Variants in EBF3 observed in about 807,000 individuals in gnomAD.
EBF3 encodes EBF transcription factor 3.
Under a neutral mutation model 77.1 loss-of-function variants are expected in EBF3, and 18 were observed. The observed-to-expected ratio is 0.23, with a 90% CI of 0.16 to 0.35. The LOEUF (loss-of-function observed/expected upper bound fraction) is 0.35, where lower values mean the gene tolerates loss of function less well. Among genes scored for constraint, EBF3 ranks in the 10% least tolerant of loss-of-function variants. EBF3 has a pLI of 1.00. For synonymous variants in EBF3, 350 were observed against 343.5 expected (o/e 1.02, Z -0.21); for missense variants, 558 against 860.0 (o/e 0.65, Z 4.39).
chr10:129,835,255 A>G lies in EBF3; in HGVS notation c.*2688T>C, dbSNP rs926024905. 6.6e-5 allele frequency: 10 copies of G among 152,658 alleles called. No individual in the cohort carries two copies. The highest frequency in any genetic ancestry group is 1.9e-4 in the African/African-American group (8 of 41,448). 9.5% of individuals were successfully genotyped at this position (152,658 alleles called of 1,614,324 possible). ...ATGTTAGTGTTTAGTCATTTTAATA[A>G]TCAAAAACAGAGAAAATTACCAAAA... On this transcript the variant is annotated 3_prime_UTR_variant, in exon 17 of 17. Transcript: ENST00000440978.
Position 129,839,173 on chromosome 10 carries a change from G to A in EBF3, c.1782C>T (p.Asp594=), listed in dbSNP as rs992085446. The change falls in exon 16 of 17, where the codon GAC becomes GAT. Residue 594 remains aspartate, a synonymous_variant. Coordinates refer to ENST00000440978, the MANE Select transcript of EBF3 (RefSeq NM_001375380.1). ...GCCAGTTTGTCTTCTCCGCGGCTAC[G>A]TCCTCAGCACCCAGCAGAGAGCCTG... is the stretch of plus-strand genomic sequence containing the variant. ...GLQGSLLGAE[D]VAAEKTNWPF... is the part of the protein sequence containing the mutation. 17 of 1,299,874 alleles carry A rather than the reference G, an allele frequency of 1.3e-5. No individual in the cohort carries two copies. The highest frequency in any genetic ancestry group is 5.5e-5 in the East Asian group (1 of 18,034). 80.5% of individuals were successfully genotyped at this position (1,299,874 alleles called of 1,614,324 possible).
chr10:129,840,523 A>G, intron 14 of EBF3, 81 bp from the exon 15 acceptor site: 1 of 1,458,524 alleles, frequency 6.9e-7, no homozygotes, highest in Non-Finnish European at 9.3e-7. Flanking sequence ...CTCGCCTCGG[A>G]CGGGGGGGCA....
rs777448869 is a variant in EBF3, at chr10:129,841,688, G to A, written c.1372+428C>T. ...CACTGTGGGATGGGGTGCGGGGTGG[G>A]GAAATGGGGGTCTGTCTCCATGGAT... On this transcript the variant is annotated intron_variant, in intron 13 of 16. Transcript: ENST00000440978. This position sits in a 1 kb window ranked among gnomAD's most constrained non-coding sequence, Gnocchi z 4.6. 6.6e-6 allele frequency among the ~76,000 whole-genome samples: 1 copy of A among 152,094 alleles called. No homozygotes were observed. Among genetic ancestry groups the A allele is most frequent in the Non-Finnish European group, 1.5e-5 (1 of 68,026 alleles).
intron 6 of EBF3, among the ~76,000 whole-genome samples, chr10:129,922,711 G>A (rs1011072855): frequency 2.0e-5 from 3 of 152,248 alleles, no homozygotes; most frequent in East Asian, 1.9e-4. Flanking sequence ...GAACCCCTGC[G>A]TCACGGACTG....
intron 6 of EBF3, among the ~76,000 whole-genome samples, chr10:129,887,378 A>T (rs1853684317): frequency 6.6e-6 from 1 of 152,238 alleles, no homozygotes; most frequent in South Asian, 2.1e-4. Context: ...AGCATAAAAA[A>T]GTAAGGGCAA....
In EBF3 at chr10:129,876,894, C is replaced by CAA. The variant is rs1852817638; in HGVS notation, c.636+873_636+874insTT. ...CATAATTCATCCCTGAACCCCCCCCCCCCCCCCACCCAGCTACCCCTCTGT... is the reference window on the plus strand; with the variant it reads ...CATAATTCATCCCTGAACCCCCCCCCAACCCCCCCACCCAGCTACCCCTCTGT... On this transcript the variant is annotated intron_variant, in intron 7 of 16. Transcript: ENST00000440978. Among the ~76,000 whole-genome samples, 6 of 111,620 alleles carry CAA rather than the reference C, an allele frequency of 5.4e-5. 1 individual carries two copies. The highest frequency in any genetic ancestry group is 1.9e-4 in the African/African-American group (6 of 31,928). 73.2% of individuals were successfully genotyped at this position (111,620 alleles called of 152,430 possible). A position where few individuals can be genotyped will look rare whatever the true frequency, so the allele number is the denominator to read the frequency against.
intron 8 of EBF3, 64 bp downstream of exon 8, chr10:129,873,388 A>G: frequency 7.0e-7 from 1 of 1,432,984 alleles, no homozygotes; most frequent in Non-Finnish European, 9.2e-7. Context: ...ATGAATGAAC[A>G]TAAAGGATGG....
Position 129,870,916 on chromosome 10 carries a change from A to G in EBF3, c.781+2536T>C, listed in dbSNP as rs1280180676. The stretch of plus-strand genomic sequence containing the variant: ...GCATTTGTCACCTTCCTCTGCATTC[A>G]CAATATTGAGGCACTCAAACAGGCC... On this transcript the variant is annotated intron_variant, in intron 8 of 16. Transcript: ENST00000440978. This position sits in a 1 kb window ranked among gnomAD's most constrained non-coding sequence, Gnocchi z 4.4. Among the ~76,000 whole-genome samples, 4 of 152,040 alleles carry G rather than the reference A, an allele frequency of 2.6e-5. No individual in the cohort carries two copies. The highest frequency in any genetic ancestry group is 2.0e-4 in the Admixed American group (3 of 15,262).
chr10:129,935,987 G>A lies in EBF3; in HGVS notation c.554+21271C>T, dbSNP rs577291200. Among the ~76,000 whole-genome samples, 122 of 136,812 alleles carry A rather than the reference G, an allele frequency of 8.9e-4. No homozygotes were observed. Among genetic ancestry groups the A allele is most frequent in the Non-Finnish European group, 1.6e-3 (103 of 66,204 alleles). 89.8% of individuals were successfully genotyped at this position (136,812 alleles called of 152,430 possible). Reference sequence around the variant, plus strand: ...GGGGCTTCCTGAAGCTGCCCCCCCCGCCCAACAATGCAGCTGGTGCCCAGG... The same window carrying A: ...GGGGCTTCCTGAAGCTGCCCCCCCCACCCAACAATGCAGCTGGTGCCCAGG... On this transcript the variant is annotated intron_variant, in intron 6 of 16. Transcript: ENST00000440978. This position sits in a 1 kb window ranked among gnomAD's most constrained non-coding sequence, Gnocchi z 4.2.
At position 129,919,180 on chromosome 10, in the gene EBF3, T is replaced by C. The variant is rs538366278; in HGVS notation, c.554+38078A>G. Reference sequence around the variant, plus strand: ...GAGAAGGGCTGCTTGAAATCCAAGATGGCAATTAAACCACATGGGCAGCAG... The same window carrying C: ...GAGAAGGGCTGCTTGAAATCCAAGACGGCAATTAAACCACATGGGCAGCAG... On this transcript the variant is annotated intron_variant, in intron 6 of 16. Transcript: ENST00000440978. Among the ~76,000 whole-genome samples the C allele has an allele frequency of 6.0e-4, 91 of 152,180 alleles. 2 individuals are homozygous for C. The South Asian group carries it at 0.011, about 19-fold the overall frequency.
chr10:129,843,097 T>TGG (rs35210769), intron 12 of EBF3, 40 bp downstream of exon 12: 198 of 1,584,998 alleles, frequency 1.2e-4, no homozygotes, highest in African/African-American at 4.7e-4. Flanking sequence ...GGTTCTGGCA[T>TGG]GGGGGGGAGG....
chr10:129,913,773 G>A (rs1164558648), intron 6 of EBF3, among the ~76,000 whole-genome samples: 2 of 152,252 alleles, frequency 1.3e-5, no homozygotes, highest in South Asian at 2.1e-4. Context: ...ACCCTTCAGA[G>A]CAAATGGAAG....
At chr10:129,891,905 G>A (rs775434053) in intron 6 of EBF3, among the ~76,000 whole-genome samples, 1 of 152,196 alleles carries the variant, frequency 6.6e-6, no homozygotes, top group Non-Finnish European at 1.5e-5. Flanking sequence ...AGAGCTTGGC[G>A]TCACTCTCCC....
At chr10:129,902,235 T>TC (rs1346647037) in intron 6 of EBF3, among the ~76,000 whole-genome samples, 1 of 151,664 alleles carries the variant, frequency 6.6e-6, no homozygotes, top group Non-Finnish European at 1.5e-5. Flanking sequence ...CAGACATTTT[T>TC]TTTTTTTTTT....
Position 129,947,696 on chromosome 10 carries a change from A to G in EBF3, c.554+9562T>C, listed in dbSNP as rs1858332067. Among the ~76,000 whole-genome samples, 1 of 151,982 alleles carries G rather than the reference A, an allele frequency of 6.6e-6. No individual in the cohort carries two copies. The highest frequency in any genetic ancestry group is 2.4e-5 in the African/African-American group (1 of 41,348). On this transcript the variant is annotated intron_variant, in intron 6 of 16. Transcript: ENST00000440978. This position sits in a 1 kb window ranked among gnomAD's most constrained non-coding sequence, Gnocchi z 4.5. ...GAACCAAATGCTTTGAAAAAAAAAAAAAAAGAAGGGCAGGACGGGCAAACT... is the reference window on the plus strand; with the variant it reads ...GAACCAAATGCTTTGAAAAAAAAAAGAAAAGAAGGGCAGGACGGGCAAACT...
At chr10:129,860,557 A>G (rs1206929154) in intron 10 of EBF3, among the ~76,000 whole-genome samples, 2 of 152,196 alleles carry the variant, frequency 1.3e-5, no homozygotes, top group Non-Finnish European at 2.9e-5. Flanking sequence ...AGAGCAGCCA[A>G]TCGGGGTGCA....
At chr10:129,839,274 G>A (rs1849831762) in intron 15 of EBF3, 79 bp from the exon 16 acceptor site, 2 of 653,564 alleles carry the variant, frequency 3.1e-6, no homozygotes, top group East Asian at 6.7e-5. Context: ...TTGAGTCACT[G>A]GGAGGAGCAT....
At chr10:129,866,814 G>A (rs1852048391) in intron 10 of EBF3, among the ~76,000 whole-genome samples, 1 of 152,186 alleles carries the variant, frequency 6.6e-6, no homozygotes, top group East Asian at 1.9e-4. Context: ...CCAGGCATGT[G>A]GGCAGCTGCC....
chr10:129,853,849 A>G (rs987301171), intron 10 of EBF3, among the ~76,000 whole-genome samples: 3 of 152,250 alleles, frequency 2.0e-5, no homozygotes, highest in African/African-American at 7.2e-5. Flanking sequence ...TGCCAATAGC[A>G]ATTATATCAC....
Sources: gnomAD v4.1 joint callset for allele counts (sites outside exome capture counted in the v4.1 genomes callset) on GRCh38, gnomAD v4.1.1 for gene constraint, Gnocchi (gnomAD v3.1) non-coding constraint, MANE v1.5 for transcripts, NCBI Gene and HGNC (gene_info 2026-07-23, HGNC 2026-07-21) for gene names.